The following LRP1B variants were observed in gnomAD, a reference collection of about 807,000 sequenced individuals.
LRP1B encodes LDL receptor related protein 1B, also known as low-density lipoprotein receptor-related protein 1B.
LRP1B carries 217 observed loss-of-function variants against 556.6 expected under a neutral mutation model. The observed-to-expected ratio is 0.39, with a 90% CI of 0.35 to 0.44. The LOEUF is 0.44. LRP1B is among the 20% of genes least tolerant of loss of function. The pLI, the probability that LRP1B is intolerant of heterozygous loss-of-function variation, is 1.00. For missense variants in LRP1B, 5,053 were observed against 5,620.8 expected (o/e 0.90, Z 3.23); for synonymous variants, 2,047 against 1,865.8 (o/e 1.10, Z -2.50).
intron 1 of LRP1B, among the ~76,000 whole-genome samples, chr2:141,883,038 A>T (rs1054411254): frequency 6.6e-6 from 1 of 152,138 alleles, no homozygotes; most frequent in African/African-American, 2.4e-5. Flanking sequence ...TGGAAAATAG[A>T]TGATATATTT....
In LRP1B at chr2:141,639,302, GTGTATA is replaced by G. The variant is rs1225164660; in HGVS notation, c.206-158775_206-158770del. ...CTGGACCCAGGAGTACGCATCATGT[GTGTATA>G]TATATATATATATATATATATATAT... On this transcript the variant is annotated intron_variant, in intron 2 of 90. Transcript: ENST00000389484. 8.9e-3 allele frequency among the ~76,000 whole-genome samples: 294 copies of G among 32,892 alleles called. 2 individuals carry two copies. Among genetic ancestry groups the G allele is most frequent in the Middle Eastern group, 0.059 (2 of 34 alleles). 21.6% of individuals were successfully genotyped at this position (32,892 alleles called of 152,430 possible). A position where few individuals can be genotyped will look rare whatever the true frequency, so the allele number is the denominator to read the frequency against.
intron 1 of LRP1B, among the ~76,000 whole-genome samples, chr2:142,096,585 T>C (rs1706378393): frequency 6.6e-6 from 1 of 151,604 alleles, no homozygotes; most frequent in Non-Finnish European, 1.5e-5. Context: ...GAATACAAAA[T>C]TCAATCTAAT....
intron 35 of LRP1B, among the ~76,000 whole-genome samples, chr2:140,745,761 A>T (rs1248131187): frequency 6.6e-6 from 1 of 152,190 alleles, no homozygotes; most frequent in Non-Finnish European, 1.5e-5. Flanking sequence ...TATAAAAAAC[A>T]GTCCCTGACC....
chr2:140,401,902 T>C (rs914333833), intron 66 of LRP1B, among the ~76,000 whole-genome samples: 3 of 152,308 alleles, frequency 2.0e-5, no homozygotes, highest in Admixed American at 6.5e-5. Context: ...TTCACTACTA[T>C]TATAATCAGA....
At chr2:142,021,956 G>A (rs1703343469) in intron 1 of LRP1B, among the ~76,000 whole-genome samples, 1 of 152,056 alleles carries the variant, frequency 6.6e-6, no homozygotes, top group Admixed American at 6.6e-5. Context: ...GCATTTTAAA[G>A]CCATTTCAAG....
chr2:142,010,554 CAAAAAAAAAAAAAAAA>C (rs33927334), intron 1 of LRP1B, among the ~76,000 whole-genome samples: 775 of 60,292 alleles, frequency 0.013, 23 homozygotes, highest in African/African-American at 0.047. Context: ...GATTCTGTCT[CAAAAAAAAAAAAAAAA>C]AAAAAAAAAG....
At chr2:141,399,256 G>A (rs897488790) in intron 3 of LRP1B, among the ~76,000 whole-genome samples, 1 of 151,790 alleles carries the variant, frequency 6.6e-6, no homozygotes, top group African/African-American at 2.4e-5. Context: ...ACTCTGTCTC[G>A]AAATAAATAA....
At chr2:141,861,315 A>G (rs562577226) in intron 1 of LRP1B, among the ~76,000 whole-genome samples, 6 of 152,126 alleles carry the variant, frequency 3.9e-5, no homozygotes, top group Non-Finnish European at 7.3e-5. Flanking sequence ...CTGGAAATCT[A>G]TTAGGACCCT....
chr2:141,937,029 C>T (rs1021507789), intron 1 of LRP1B, among the ~76,000 whole-genome samples: 7 of 151,662 alleles, frequency 4.6e-5, no homozygotes, highest in African/African-American at 1.2e-4. Context: ...ATTCAAAAAG[C>T]TCTTAAAAGG....
chr2:142,092,936 T>A (rs974191823), intron 1 of LRP1B, among the ~76,000 whole-genome samples: 1 of 152,094 alleles, frequency 6.6e-6, no homozygotes, highest in Non-Finnish European at 1.5e-5. Context: ...GATCCTGAAA[T>A]ATACCATCTA....
chr2:140,336,275 C>A (rs949774166), intron 77 of LRP1B, among the ~76,000 whole-genome samples: 5 of 151,794 alleles, frequency 3.3e-5, no homozygotes, highest in African/African-American at 1.2e-4. Flanking sequence ...TTGTATATAT[C>A]AATTTTTAAT....
At chr2:142,130,159 A>C (rs1387856399) in intron 1 of LRP1B, among the ~76,000 whole-genome samples, 1 of 152,138 alleles carries the variant, frequency 6.6e-6, no homozygotes, top group African/African-American at 2.4e-5. Flanking sequence ...ATAGAAACGA[A>C]AGGGGCCTGA....
intron 2 of LRP1B, among the ~76,000 whole-genome samples, chr2:141,570,781 G>A (rs1026408115): frequency 5.3e-5 from 8 of 151,476 alleles, no homozygotes; most frequent in African/African-American, 1.9e-4. Context: ...CACCAGCTGT[G>A]GTAATCTGCA....
At chr2:140,413,461 A>G (rs543165095) in intron 66 of LRP1B, among the ~76,000 whole-genome samples, 1 of 152,276 alleles carries the variant, frequency 6.6e-6, no homozygotes, top group South Asian at 2.1e-4. Context: ...AGACAACGCT[A>G]CACCTAGAAA....
chr2:140,716,244 A>G (rs1364966320), intron 36 of LRP1B, 142 bp from the exon 37 acceptor site: 2 of 601,960 alleles, frequency 3.3e-6, no homozygotes, highest in African/African-American at 1.8e-5. Context: ...GTGTTTCCTA[A>G]GCAGAAAGCT....
intron 7 of LRP1B, among the ~76,000 whole-genome samples, chr2:141,119,716 T>TTTTGTG (rs1700997244): frequency 6.7e-6 from 1 of 149,400 alleles, no homozygotes; most frequent in African/African-American, 2.5e-5. Context: ...ACCCAAGAGG[T>TTTTGTG]TGTGTGTGTG....
At chr2:140,689,003 G>A (rs900079498) in intron 41 of LRP1B, among the ~76,000 whole-genome samples, 13 of 152,192 alleles carry the variant, frequency 8.5e-5, no homozygotes, top group Admixed American at 8.5e-4. Context: ...GGAATGGTTT[G>A]TTTTGTAACC....
At chr2:140,964,829 G>C (rs67557683) in intron 18 of LRP1B, among the ~76,000 whole-genome samples, 1 of 151,956 alleles carries the variant, frequency 6.6e-6, no homozygotes, top group Non-Finnish European at 1.5e-5. Flanking sequence ...TGCCTGGGTG[G>C]CTTGCCACCC....
intron 2 of LRP1B, among the ~76,000 whole-genome samples, chr2:141,486,440 C>T (rs1169147434): frequency 2.6e-5 from 4 of 152,020 alleles, no homozygotes; most frequent in Non-Finnish European, 5.9e-5. Context: ...ACATAAGTTC[C>T]ATCAAATATC....
Sources: gnomAD v4.1 joint callset for allele counts (sites outside exome capture counted in the v4.1 genomes callset) on GRCh38, gnomAD v4.1.1 for gene constraint, MANE v1.5 for transcripts, NCBI Gene and HGNC (gene_info 2026-07-23, HGNC 2026-07-21) for gene names.